Variants in PLCL1 observed in about 807,000 individuals in gnomAD.
PLCL1 encodes phospholipase C like 1 (inactive).
PLCL1 carries 41 observed loss-of-function variants against 84.4 expected under a neutral mutation model. The observed-to-expected ratio is 0.49, with a 90% CI of 0.38 to 0.63. PLCL1 has a LOEUF of 0.63. Ranked by LOEUF, PLCL1 falls within the 30% of genes least tolerant of loss-of-function variation. The probability of loss-of-function intolerance (pLI) is 0.00; values close to 1 mark genes in which losing one functional copy is unlikely to be tolerated. For missense variants in PLCL1, 1,206 were observed against 1,367.8 expected (o/e 0.88, Z 1.87); for synonymous variants, 490 against 488.3 (o/e 1.00, Z -0.05).
At chr2:197,966,753 C>T (rs973807029) in intron 1 of PLCL1, among the ~76,000 whole-genome samples, 11 of 151,004 alleles carry the variant, frequency 7.3e-5, no homozygotes, top group African/African-American at 2.2e-4. Context: ...GCTTTTTTTT[C>T]TGTGAATAGT....
rs61183744 is a variant in PLCL1, at chr2:197,886,411, C to CAAAAAAAAAAAAAAAAAAAAAAAAAAAAA, written c.240+81085_240+81113dup. Among the ~76,000 whole-genome samples, 4 of 77,092 alleles carry CAAAAAAAAAAAAAAAAAAAAAAAAAAAAA rather than the reference C, an allele frequency of 5.2e-5. 1 individual carries two copies. Among genetic ancestry groups the CAAAAAAAAAAAAAAAAAAAAAAAAAAAAA allele is most frequent in the Non-Finnish European group, 8.0e-5 (3 of 37,400 alleles). 50.6% of individuals were successfully genotyped at this position (77,092 alleles called of 152,430 possible). On this transcript the variant is annotated intron_variant, in intron 1 of 5. Transcript: ENST00000428675. ...TGGGCAACAGAATGAGACTCTGTCT[C>CAAAAAAAAAAAAAAAAAAAAAAAAAAAAA]AAAAAAAAAAAAAAAAAAAAAAAAA...
In PLCL1 at chr2:198,139,459, G is replaced by T. The variant is rs140110883; in HGVS notation, c.3106-7321G>T. On this transcript the variant is annotated intron_variant, in intron 5 of 5. Transcript: ENST00000428675. ...TCTTATTTCTCTTTCATATCTAATTGCATTCATATTAAGTACAGGCATCTG... is the reference window on the plus strand; with the variant it reads ...TCTTATTTCTCTTTCATATCTAATTTCATTCATATTAAGTACAGGCATCTG... Among the ~76,000 whole-genome samples the T allele has an allele frequency of 6.3e-3, 960 of 152,136 alleles. 3 individuals are homozygous for T. Among genetic ancestry groups the T allele is most frequent in the Non-Finnish European group, 8.6e-3 (585 of 67,990 alleles).
chr2:198,014,570 G>A (rs1474517711), intron 1 of PLCL1, among the ~76,000 whole-genome samples: 15 of 151,836 alleles, frequency 9.9e-5, no homozygotes, highest in Admixed American at 9.2e-4. Flanking sequence ...TAATTTTGTT[G>A]TTTATGTTAT....
chr2:197,874,452 A>AT (rs1374299052), intron 1 of PLCL1, among the ~76,000 whole-genome samples: 5 of 152,112 alleles, frequency 3.3e-5, no homozygotes, highest in Admixed American at 3.3e-4. Flanking sequence ...TAATGAAATG[A>AT]TTTTTTAAAA....
chr2:197,983,224 TTTTTTTTTTTTTTTTG>T (rs1690154736), intron 1 of PLCL1, among the ~76,000 whole-genome samples: 1 of 81,698 alleles, frequency 1.2e-5, no homozygotes, highest in Admixed American at 1.5e-4. Context: ...TTTTTTTTTT[TTTTTTTTTTTTTTTTG>T]AGACAGGGTC....
chr2:197,980,298 T>C (rs1690075703), intron 1 of PLCL1, among the ~76,000 whole-genome samples: 1 of 152,176 alleles, frequency 6.6e-6, no homozygotes. Flanking sequence ...GATTTATGGA[T>C]CAAGAGCTCA....
intron 3 of PLCL1, among the ~76,000 whole-genome samples, chr2:198,089,806 C>T (rs1390749950): frequency 6.6e-6 from 1 of 151,986 alleles, no homozygotes; most frequent in Non-Finnish European, 1.5e-5. Context: ...CACTTACCCC[C>T]CACCCAATAA....
intron 1 of PLCL1, 105 bp from the exon 2 acceptor site, chr2:198,083,653 A>C: frequency 2.9e-6 from 2 of 696,332 alleles, no homozygotes; most frequent in Non-Finnish European, 2.3e-6. Flanking sequence ...CCTCTGTTCA[A>C]ATAATCACAA....
In PLCL1 at chr2:197,825,638, T is replaced by C. The variant is rs983030177; in HGVS notation, c.240+20299T>C. 2.6e-5 allele frequency among the ~76,000 whole-genome samples: 4 copies of C among 152,226 alleles called. No individual in the cohort carries two copies. The East Asian group carries it at 5.8e-4, about 22-fold the overall frequency. ...TTAAGGGAATCTTGCCCTGAGTTAATGTAGTCTACCATTGCTAGGTTCGCT... is the reference window on the plus strand; with the variant it reads ...TTAAGGGAATCTTGCCCTGAGTTAACGTAGTCTACCATTGCTAGGTTCGCT... On this transcript the variant is annotated intron_variant, in intron 1 of 5. Transcript: ENST00000428675.
At chr2:197,852,062 A>G (rs1687250172) in intron 1 of PLCL1, among the ~76,000 whole-genome samples, 1 of 152,258 alleles carries the variant, frequency 6.6e-6, no homozygotes, top group Admixed American at 6.5e-5. Flanking sequence ...GCTGCAGCAA[A>G]TGCAGTGAAT....
chr2:197,908,626 T>TGA (rs1688428142), intron 1 of PLCL1, among the ~76,000 whole-genome samples: 1 of 152,232 alleles, frequency 6.6e-6, no homozygotes, highest in South Asian at 2.1e-4. Context: ...ACTCATCTTC[T>TGA]TATCAAGTCA....
chr2:197,946,071 T>A (rs1397429196), intron 1 of PLCL1, among the ~76,000 whole-genome samples: 3 of 152,132 alleles, frequency 2.0e-5, no homozygotes, highest in African/African-American at 4.8e-5. Flanking sequence ...AAAATGAAAC[T>A]AGAACATTTC....
chr2:198,029,065 A>T (rs1228428607), intron 1 of PLCL1, among the ~76,000 whole-genome samples: 2 of 152,146 alleles, frequency 1.3e-5, no homozygotes, highest in East Asian at 3.9e-4. Flanking sequence ...AAGTAAGGAG[A>T]TTTACTTCAT....
intron 1 of PLCL1, among the ~76,000 whole-genome samples, chr2:197,826,617 G>A (rs918118706): frequency 4.6e-5 from 7 of 152,008 alleles, no homozygotes; most frequent in South Asian, 2.1e-4. Context: ...TTTAATGACC[G>A]ATTCGTTCAT....
chr2:197,908,991 G>A (rs1481817926), intron 1 of PLCL1, among the ~76,000 whole-genome samples: 1 of 152,184 alleles, frequency 6.6e-6, no homozygotes, highest in Non-Finnish European at 1.5e-5. Context: ...TAGAAGAGAG[G>A]AGTCACTCAA....
At chr2:197,909,140 G>C (rs1307480094) in intron 1 of PLCL1, among the ~76,000 whole-genome samples, 2 of 152,096 alleles carry the variant, frequency 1.3e-5, no homozygotes, top group African/African-American at 4.8e-5. Context: ...TTCTTCCCTT[G>C]GAAACTGTTT....
chr2:198,087,639 A>G (rs1692917192), intron 2 of PLCL1, among the ~76,000 whole-genome samples: 2 of 139,828 alleles, frequency 1.4e-5, no homozygotes, highest in South Asian at 2.5e-4. Context: ...CAGGGTGACT[A>G]TAGTTAATAA....
chr2:198,039,185 T>G (rs1405980580), intron 1 of PLCL1, among the ~76,000 whole-genome samples: 2 of 152,268 alleles, frequency 1.3e-5, no homozygotes, highest in East Asian at 3.9e-4. Flanking sequence ...GTGACATAGT[T>G]TCTCATTCTC....
chr2:197,830,098 C>A (rs1037701563), intron 1 of PLCL1, among the ~76,000 whole-genome samples: 4 of 151,870 alleles, frequency 2.6e-5, no homozygotes, highest in African/African-American at 7.3e-5. Flanking sequence ...TTCCAAAAAC[C>A]AGAATGCCCC....
Sources: gnomAD v4.1 joint callset for allele counts (sites outside exome capture counted in the v4.1 genomes callset) on GRCh38, gnomAD v4.1.1 for gene constraint, MANE v1.5 for transcripts, NCBI Gene and HGNC (gene_info 2026-07-23, HGNC 2026-07-21) for gene names.